Variants in NEK11 observed in about 807,000 individuals in gnomAD.
NEK11 encodes the protein NIMA related kinase 11.
In NEK11, 72 loss-of-function variants were observed where a neutral mutation model predicts 80.7. The observed-to-expected ratio is 0.89, with a 90% CI of 0.74 to 1.08. The LOEUF (loss-of-function observed/expected upper bound fraction) is 1.08. Among genes scored for constraint, NEK11 ranks in the 50% least tolerant of loss-of-function variants. NEK11 has a pLI of 0.00. For synonymous variants in NEK11, 251 were observed against 260.7 expected (o/e 0.96, Z 0.36); for missense variants, 764 against 763.6 (o/e 1.00, Z -0.01).
At chr3:131,170,139 A>G (rs556548417) in intron 13 of NEK11, among the ~76,000 whole-genome samples, 8 of 152,356 alleles carry the variant, frequency 5.3e-5, no homozygotes, top group South Asian at 2.1e-4. Context: ...ATCAAGAAAA[A>G]TAGATCAACT....
intron 7 of NEK11, among the ~76,000 whole-genome samples, chr3:131,138,686 A>C (rs1219417704): frequency 1.3e-5 from 2 of 152,178 alleles, no homozygotes; most frequent in Non-Finnish European, 2.9e-5. Context: ...CTTAATACAG[A>C]GACCCCATTT....
intron 16 of NEK11, among the ~76,000 whole-genome samples, chr3:131,263,487 A>C (rs1430703633): frequency 2.6e-5 from 4 of 152,050 alleles, no homozygotes; most frequent in Non-Finnish European, 1.5e-5. Context: ...GTATAGTTTG[A>C]AGTCAGGTAG....
intron 17 of NEK11, among the ~76,000 whole-genome samples, chr3:131,296,652 A>G: frequency 6.6e-6 from 1 of 151,714 alleles, no homozygotes; most frequent in East Asian, 1.9e-4. Flanking sequence ...TGCATGATTT[A>G]TTTTATTTTA....
intron 17 of NEK11, among the ~76,000 whole-genome samples, chr3:131,315,973 T>C (rs2096835192): frequency 6.6e-6 from 1 of 152,152 alleles, no homozygotes; most frequent in Non-Finnish European, 1.5e-5. Context: ...TATGCTTTTA[T>C]TTTTTTAGTT....
chr3:131,045,287 T>A (rs1305646746), intron 3 of NEK11, among the ~76,000 whole-genome samples: 1 of 152,204 alleles, frequency 6.6e-6, no homozygotes, highest in Non-Finnish European at 1.5e-5. Context: ...ATTTGGGCAT[T>A]TAAGTCTATG....
chr3:131,189,062 G>A lies in NEK11; in HGVS notation c.1399+18175G>A, dbSNP rs572522471. On this transcript the variant is annotated intron_variant, in intron 14 of 17. Coordinates refer to ENST00000383366, the MANE Select transcript of NEK11 (RefSeq NM_024800.5). ...ACAAAGAAGATGATGTGAAGAGATT[G>A]TAGTAATGCACCTACAAGCCAAGGA... Among the ~76,000 whole-genome samples the A allele has an allele frequency of 2.0e-4, 31 of 152,168 alleles. 1 individual carries two copies. The highest frequency in any genetic ancestry group is 3.4e-3 in the Middle Eastern group (1 of 294).
rs1347711028 is a variant in NEK11, at chr3:131,080,708, G to A, written c.336+120G>A. On this transcript the variant is annotated intron_variant, in intron 4 of 17. Coordinates refer to ENST00000383366, the MANE Select transcript of NEK11 (RefSeq NM_024800.5). ...CCATAAATTGAACTGTAAAGACCTG[G>A]GATCCCATGTCTTGCAGCTAAGAAT... 1.0e-5 allele frequency: 8 copies of A among 797,942 alleles called. No homozygotes were observed. The African/African-American group carries it at 1.4e-4, about 14-fold the overall frequency. 49.4% of individuals were successfully genotyped at this position (797,942 alleles called of 1,614,324 possible). A position where few individuals can be genotyped will look rare whatever the true frequency, so the allele number is the denominator to read the frequency against.
At chr3:131,223,675 ATTGTTTTACTATCT>A (rs2095100178) in intron 14 of NEK11, among the ~76,000 whole-genome samples, 1 of 152,172 alleles carries the variant, frequency 6.6e-6, no homozygotes, top group Non-Finnish European at 1.5e-5. Context: ...AAAGCCTAAA[ATTGTTTTACTATCT>A]AGCCCTTTAC....
intron 14 of NEK11, among the ~76,000 whole-genome samples, chr3:131,208,928 C>T (rs1455314871): frequency 6.6e-6 from 1 of 152,160 alleles, no homozygotes; most frequent in Non-Finnish European, 1.5e-5. Flanking sequence ...AATTTGACTT[C>T]CTCTTTTCCT....
chr3:131,271,961 A>T (rs1031237167), intron 16 of NEK11, among the ~76,000 whole-genome samples: 1 of 148,362 alleles, frequency 6.7e-6, no homozygotes, highest in Non-Finnish European at 1.5e-5. Context: ...TTAGCCAGGC[A>T]TGGTGGCGCA....
At chr3:131,093,196 C>T (rs2076967154) in intron 4 of NEK11, among the ~76,000 whole-genome samples, 1 of 152,088 alleles carries the variant, frequency 6.6e-6, no homozygotes, top group Non-Finnish European at 1.5e-5. Context: ...TAATATTTAT[C>T]CAAGGGTCCA....
chr3:131,094,492 TAC>T (rs1230878545), intron 4 of NEK11, among the ~76,000 whole-genome samples: 2 of 152,140 alleles, frequency 1.3e-5, no homozygotes. Context: ...AACAAGGCAA[TAC>T]AGTCAATTCA....
At chr3:131,090,563 C>T (rs1015157573) in intron 4 of NEK11, among the ~76,000 whole-genome samples, 13 of 152,276 alleles carry the variant, frequency 8.5e-5, no homozygotes, top group African/African-American at 1.9e-4. Context: ...CTTAGACCAA[C>T]GCATTACATT....
At chr3:131,175,105 T>A (rs1290652926) in intron 14 of NEK11, 2 of 1,080,362 alleles carry the variant, frequency 1.9e-6, no homozygotes, top group African/African-American at 3.3e-5. Context: ...AATGTCCAAG[T>A]GGAAATAAAG....
At chr3:131,291,320 C>A (rs2096541177) in intron 17 of NEK11, among the ~76,000 whole-genome samples, 1 of 152,094 alleles carries the variant, frequency 6.6e-6, no homozygotes, top group Admixed American at 6.5e-5. Flanking sequence ...ACAGTTTATC[C>A]ATTCATCTGC....
At chr3:131,283,976 G>T (rs2096437728) in intron 17 of NEK11, among the ~76,000 whole-genome samples, 1 of 152,160 alleles carries the variant, frequency 6.6e-6, no homozygotes, top group Non-Finnish European at 1.5e-5. Flanking sequence ...AATTCTTCTT[G>T]AGAGTCTGTT....
intron 5 of NEK11, among the ~76,000 whole-genome samples, chr3:131,114,601 A>G (rs1010871117): frequency 1.3e-5 from 2 of 152,196 alleles, no homozygotes; most frequent in Non-Finnish European, 2.9e-5. Context: ...GTCTGCTCAC[A>G]TGTCATTAAC....
At chr3:131,276,242 T>G (rs967237038) in intron 17 of NEK11, among the ~76,000 whole-genome samples, 3 of 152,204 alleles carry the variant, frequency 2.0e-5, no homozygotes, top group African/African-American at 7.2e-5. Context: ...GGAAGCATAC[T>G]CAGAGATGGA....
At position 131,243,390 on chromosome 3, in the gene NEK11, C is replaced by T. The variant is rs2095547384; in HGVS notation, c.1561-46C>T. On this transcript the variant is annotated intron_variant, in intron 15 of 17. Coordinates refer to ENST00000383366, the MANE Select transcript of NEK11 (RefSeq NM_024800.5). ...ACATTTTTCCATGTTATTAAGTATC[C>T]TTCTACCATACAGGGAAAATAAACA... The T allele has an allele frequency of 2.6e-6, 4 of 1,549,528 alleles. No homozygotes were observed. In the South Asian group the frequency reaches 4.6e-5, roughly 18 times the overall value.
Sources: gnomAD v4.1 joint callset for allele counts (sites outside exome capture counted in the v4.1 genomes callset) on GRCh38, gnomAD v4.1.1 for gene constraint, MANE v1.5 for transcripts, NCBI Gene and HGNC (gene_info 2026-07-23, HGNC 2026-07-21) for gene names.